The following NCOA7 variants were observed in gnomAD, a reference collection of about 807,000 sequenced individuals.
NCOA7 encodes 140 kDa estrogen receptor-associated protein.
A neutral mutation model predicts 104.3 loss-of-function variants in NCOA7; 45 were observed. That is an observed-to-expected ratio of 0.43 (90% CI 0.34 to 0.55). The LOEUF is 0.55. Among genes scored for constraint, NCOA7 ranks in the 20% least tolerant of loss-of-function variants. NCOA7 has a pLI of 0.02. For synonymous variants in NCOA7, 398 were observed against 402.3 expected, an observed-to-expected ratio of 0.99 and a Z score of 0.13; for missense variants, 1,041 against 1,119.7, an observed-to-expected ratio of 0.93 and a Z score of 1.00.
intron 12 of NCOA7, 77 bp from the exon 13 acceptor site, chr6:125,922,605 C>A: frequency 6.6e-7 from 1 of 1,517,884 alleles, no homozygotes; most frequent in Non-Finnish European, 9.0e-7. Context: ...GAATAACAGG[C>A]ATTTGTTTTG....
chr6:125,835,305 T>TA (rs1481697006), intron 2 of NCOA7, among the ~76,000 whole-genome samples: 3 of 152,064 alleles, frequency 2.0e-5, no homozygotes, highest in Non-Finnish European at 4.4e-5. Flanking sequence ...CAACCTTACT[T>TA]ACGCAAATTC....
intron 2 of NCOA7, among the ~76,000 whole-genome samples, chr6:125,825,174 C>CAAA (rs60707053): frequency 0.035 from 1,900 of 54,022 alleles, 83 homozygotes; most frequent in African/African-American, 0.11. Context: ...CCTGTCTCTA[C>CAAA]AAAAAAAAAA....
At chr6:125,809,435 A>G (rs1430602040) in intron 1 of NCOA7, among the ~76,000 whole-genome samples, 1 of 152,102 alleles carries the variant, frequency 6.6e-6, no homozygotes, top group Non-Finnish European at 1.5e-5. Flanking sequence ...CACCTGCTTC[A>G]GCCTCCCAAA....
chr6:125,931,427 AGG>A lies in NCOA7; in HGVS notation c.*2658_*2659del, dbSNP rs1296381485. The A allele has an allele frequency of 2.0e-5, 3 of 152,218 alleles. No homozygotes were observed. Among genetic ancestry groups the A allele is most frequent in the Non-Finnish European group, 4.4e-5 (3 of 68,056 alleles). The allele number at this position is 152,218 out of a possible 1,614,324, so 9.4% of individuals were successfully genotyped here. A position where few individuals can be genotyped will look rare whatever the true frequency, so the allele number is the denominator to read the frequency against. The stretch of plus-strand genomic sequence containing the variant: ...CTTAACCTACTTCATAATTTCCGTA[AGG>A]GACACTTTACTCTCTGATAAATTTT... On this transcript the variant is annotated 3_prime_UTR_variant, in exon 16 of 16. Coordinates refer to ENST00000392477, the MANE Select transcript of NCOA7 (RefSeq NM_181782.5).
chr6:125,820,061 C>T (rs1027469624), intron 2 of NCOA7, among the ~76,000 whole-genome samples: 3 of 152,078 alleles, frequency 2.0e-5, no homozygotes, highest in African/African-American at 7.2e-5. Context: ...CTTGTTGGCT[C>T]CCACCTCCCC....
intron 4 of NCOA7, among the ~76,000 whole-genome samples, chr6:125,877,580 A>G (rs1480901552): frequency 6.6e-6 from 1 of 152,164 alleles, no homozygotes; most frequent in Non-Finnish European, 1.5e-5. Flanking sequence ...ACTGCCCTCT[A>G]TTCCTGTTCC....
chr6:125,925,587 A>T (rs1365648225), intron 13 of NCOA7, among the ~76,000 whole-genome samples: 5 of 152,226 alleles, frequency 3.3e-5, no homozygotes, highest in Admixed American at 2.0e-4. Flanking sequence ...GCTCTATTAC[A>T]TCTTTTAACT....
At chr6:125,830,387 A>G (rs1437660498) in intron 2 of NCOA7, among the ~76,000 whole-genome samples, 3 of 152,172 alleles carry the variant, frequency 2.0e-5, no homozygotes, top group African/African-American at 7.2e-5. Flanking sequence ...GACCTGATTA[A>G]TGCAAATATA....
At chr6:125,806,874 A>G (rs1448922934) in intron 1 of NCOA7, among the ~76,000 whole-genome samples, 2 of 152,228 alleles carry the variant, frequency 1.3e-5, no homozygotes, top group Non-Finnish European at 2.9e-5. Flanking sequence ...AGTAGGTTAC[A>G]TGATCTATGA....
At chr6:125,904,519 C>A (rs34991763) in intron 10 of NCOA7, among the ~76,000 whole-genome samples, 2 of 152,156 alleles carry the variant, frequency 1.3e-5, no homozygotes, top group Non-Finnish European at 2.9e-5. Flanking sequence ...TGCATGGGTT[C>A]CCTCCAGTAG....
intron 2 of NCOA7, among the ~76,000 whole-genome samples, chr6:125,851,826 G>A (rs1242399965): frequency 1.3e-5 from 2 of 151,266 alleles, no homozygotes; most frequent in Admixed American, 1.3e-4. Flanking sequence ...GTTTTTATTT[G>A]TATCTCCCCG....
At position 125,902,538 on chromosome 6, in the gene NCOA7, C is replaced by T. The variant is rs555600906; in HGVS notation, c.2096+11728C>T. Among the ~76,000 whole-genome samples, 64 of 151,562 alleles carry T rather than the reference C, an allele frequency of 4.2e-4. 1 individual carries two copies. Among genetic ancestry groups the T allele is most frequent in the South Asian group, 4.2e-3 (20 of 4,792 alleles). ...GAAGCAACAGTAAATTAAATCCTAC[C>T]GTAACTAGTAGTGAATCTTGTTCAA... is the stretch of plus-strand genomic sequence containing the variant. On this transcript the variant is annotated intron_variant, in intron 10 of 15. Transcript: ENST00000392477.
chr6:125,867,806 G>A (rs1344686832), intron 3 of NCOA7, among the ~76,000 whole-genome samples: 2 of 152,102 alleles, frequency 1.3e-5, no homozygotes, highest in Non-Finnish European at 2.9e-5. Flanking sequence ...GGCCTTTCCT[G>A]GCACAACTGG....
intron 2 of NCOA7, among the ~76,000 whole-genome samples, chr6:125,821,820 A>G (rs1778213314): frequency 6.6e-6 from 1 of 152,226 alleles, no homozygotes; most frequent in African/African-American, 2.4e-5. Flanking sequence ...TGCCCATGAT[A>G]GAAATGAATG....
chr6:125,927,557 T>G (rs1788143356), intron 13 of NCOA7, 106 bp from the exon 14 acceptor site: 1 of 818,978 alleles, frequency 1.2e-6, no homozygotes. Context: ...GTAATAATCT[T>G]TGCTGAAATA....
At chr6:125,915,579 C>G in intron 11 of NCOA7, 99 bp downstream of exon 11, 1 of 1,395,276 alleles carries the variant, frequency 7.2e-7, no homozygotes, top group Non-Finnish European at 9.9e-7. Context: ...AAACTAGAGT[C>G]CCTGTGCACC....
chr6:125,834,093 A>G (rs1219157459), intron 2 of NCOA7, among the ~76,000 whole-genome samples: 1 of 149,786 alleles, frequency 6.7e-6, no homozygotes, highest in African/African-American at 2.4e-5. Context: ...TAAAAATAAG[A>G]TGTACTTTCA....
chr6:125,875,040 T>G lies in NCOA7; in HGVS notation c.351+72T>G, dbSNP rs1250413365. Reference sequence around the variant, plus strand: ...TTATATAATGGTTTTCCCTGACACATCCTGCCCCTTGGCTGCATTCCTCTT... The same window carrying G: ...TTATATAATGGTTTTCCCTGACACAGCCTGCCCCTTGGCTGCATTCCTCTT... On this transcript the variant is annotated intron_variant, in intron 4 of 15. Coordinates refer to ENST00000392477, the MANE Select transcript of NCOA7 (RefSeq NM_181782.5). The G allele has an allele frequency of 7.8e-6, 9 of 1,159,558 alleles. No homozygotes were observed. The Admixed American group carries it at 1.6e-4, about 21-fold the overall frequency. 71.8% of individuals were successfully genotyped at this position (1,159,558 alleles called of 1,614,324 possible).
At chr6:125,912,054 A>T (rs1045640495) in intron 10 of NCOA7, among the ~76,000 whole-genome samples, 3 of 152,234 alleles carry the variant, frequency 2.0e-5, no homozygotes, top group Admixed American at 6.5e-5. Flanking sequence ...ATAATGAGAA[A>T]CAGGCCTTCT....
Sources: allele counts gnomAD v4.1 joint callset (sites outside exome capture counted in the v4.1 genomes callset), GRCh38; gene constraint gnomAD v4.1.1; transcripts MANE v1.5; gene names NCBI Gene and HGNC (gene_info 2026-07-23, HGNC 2026-07-21).